The following DLG2 variants were observed in gnomAD, a reference collection of about 807,000 sequenced individuals.
DLG2 encodes discs large MAGUK scaffold protein 2.
In DLG2, 45 loss-of-function variants were observed where a neutral mutation model predicts 132.5. That is an observed-to-expected ratio of 0.34 (90% confidence interval 0.27 to 0.44). The LOEUF (loss-of-function observed/expected upper bound fraction) is 0.44. Ranked by LOEUF, DLG2 falls within the 20% of genes least tolerant of loss-of-function variation. The probability of loss-of-function intolerance (pLI) is 1.00; values close to 1 mark genes in which losing one functional copy is unlikely to be tolerated. For synonymous variants in DLG2, 424 were observed against 419.6 expected (o/e 1.01, Z -0.13); for missense variants, 1,045 against 1,196.9 (o/e 0.87, Z 1.87).
chr11:83,825,122 CAT>C lies in DLG2; in HGVS notation c.1722+8490_1722+8491del, dbSNP rs1243682505. On this transcript the variant is annotated intron_variant, in intron 17 of 27. Coordinates refer to ENST00000376104, the MANE Select transcript of DLG2 (RefSeq NM_001142699.3). ...ACATATATATAGACATATATATACA[CAT>C]ATATATATACACACACACACACACA... is the stretch of plus-strand genomic sequence containing the variant. Among the ~76,000 whole-genome samples, 758 of 117,866 alleles carry C rather than the reference CAT, an allele frequency of 6.4e-3. 13 individuals carry two copies. Among genetic ancestry groups the C allele is most frequent in the African/African-American group, 0.019 (592 of 31,142 alleles). The allele number at this position is 117,866 out of a possible 152,430, so 77.3% of individuals were successfully genotyped here.
At chr11:84,349,632 C>T (rs7124855) in intron 7 of DLG2, among the ~76,000 whole-genome samples, 7,654 of 152,232 alleles carry the variant, frequency 0.05, 637 homozygotes, top group African/African-American at 0.17. Context: ...ACTATAAATA[C>T]AGGCATCCTT....
chr11:85,404,950 G>C (rs909002824), intron 3 of DLG2, among the ~76,000 whole-genome samples: 4 of 152,006 alleles, frequency 2.6e-5, no homozygotes, highest in African/African-American at 9.7e-5. Context: ...TCCTTGGACA[G>C]TCAGGAGGTT....
intron 6 of DLG2, among the ~76,000 whole-genome samples, chr11:84,701,125 T>G (rs1044497305): frequency 6.6e-6 from 1 of 151,656 alleles, no homozygotes; most frequent in African/African-American, 2.4e-5. Flanking sequence ...CCAATCACAG[T>G]TGACTTAGAC....
intron 6 of DLG2, among the ~76,000 whole-genome samples, chr11:85,023,765 A>T (rs1468890400): frequency 6.6e-6 from 1 of 152,124 alleles, no homozygotes; most frequent in Non-Finnish European, 1.5e-5. Flanking sequence ...AGATATATTT[A>T]AAAATACTAG....
intron 4 of DLG2, among the ~76,000 whole-genome samples, chr11:85,273,874 G>C (rs541209028): frequency 1.3e-5 from 2 of 152,302 alleles, no homozygotes; most frequent in East Asian, 3.9e-4. Flanking sequence ...ATCAATGATA[G>C]ATAGGATTAA....
intron 2 of DLG2, among the ~76,000 whole-genome samples, chr11:85,618,094 C>A: frequency 6.6e-6 from 1 of 151,982 alleles, no homozygotes; most frequent in Non-Finnish European, 1.5e-5. Flanking sequence ...TGAACCCATG[C>A]GGAAAGCTTA....
At chr11:84,704,242 T>A (rs962342802) in intron 6 of DLG2, among the ~76,000 whole-genome samples, 6 of 151,440 alleles carry the variant, frequency 4.0e-5, no homozygotes, top group Non-Finnish European at 3.0e-5. Context: ...TCTATGACAC[T>A]CTATGTTCAC....
intron 15 of DLG2, among the ~76,000 whole-genome samples, chr11:83,923,853 CT>C (rs2078423728): frequency 6.6e-6 from 1 of 152,068 alleles, no homozygotes; most frequent in Non-Finnish European, 1.5e-5. Context: ...TGCAAAGCAG[CT>C]TGTGTCTTTG....
intron 6 of DLG2, among the ~76,000 whole-genome samples, chr11:84,960,637 C>T (rs896361242): frequency 6.6e-6 from 1 of 151,992 alleles, no homozygotes; most frequent in African/African-American, 2.4e-5. Flanking sequence ...TGGGGTATCA[C>T]CGTATTGCCC....
intron 7 of DLG2, among the ~76,000 whole-genome samples, chr11:84,295,634 C>T (rs1475477559): frequency 6.6e-6 from 1 of 152,180 alleles, no homozygotes; most frequent in Non-Finnish European, 1.5e-5. Context: ...CACTAAGATT[C>T]TGCGAGTTCA....
intron 15 of DLG2, among the ~76,000 whole-genome samples, chr11:83,912,992 C>G (rs2154113401): frequency 6.6e-6 from 1 of 152,192 alleles, no homozygotes; most frequent in East Asian, 1.9e-4. Context: ...AGGTTTCTAT[C>G]TCTATTTTAA....
At chr11:83,734,384 CTT>C (rs1191577388) in intron 18 of DLG2, among the ~76,000 whole-genome samples, 2 of 145,230 alleles carry the variant, frequency 1.4e-5, no homozygotes, top group African/African-American at 5.1e-5. Context: ...TCCTTCCTTC[CTT>C]CCTTCCTTCC....
At chr11:85,136,313 G>A (rs1313881752) in intron 5 of DLG2, among the ~76,000 whole-genome samples, 1 of 152,156 alleles carries the variant, frequency 6.6e-6, no homozygotes, top group African/African-American at 2.4e-5. Context: ...TTAGATATAA[G>A]TACATAACAT....
chr11:83,872,196 G>C (rs575837450), intron 16 of DLG2, among the ~76,000 whole-genome samples: 1 of 152,302 alleles, frequency 6.6e-6, no homozygotes, highest in African/African-American at 2.4e-5. Flanking sequence ...CCAGAAGGTG[G>C]AGGTTGCAGT....
intron 18 of DLG2, among the ~76,000 whole-genome samples, chr11:83,668,560 T>C (rs1285870861): frequency 6.6e-6 from 1 of 151,908 alleles, no homozygotes; most frequent in African/African-American, 2.4e-5. Context: ...AGTAATATAA[T>C]TGTACTCATA....
intron 7 of DLG2, among the ~76,000 whole-genome samples, chr11:84,310,760 G>GTTAAAACAAGCTGTCAGATCAT (rs1253058119): frequency 6.6e-6 from 1 of 152,222 alleles, no homozygotes; most frequent in Non-Finnish European, 1.5e-5. Flanking sequence ...CAGGTGCTGA[G>GTTAAAACAAGCTGTCAGATCAT]TTAAAACAAG....
chr11:84,490,201 G>A (rs2099161206), intron 7 of DLG2, among the ~76,000 whole-genome samples: 1 of 152,102 alleles, frequency 6.6e-6, no homozygotes, highest in Admixed American at 6.6e-5. Flanking sequence ...AATAATAGCA[G>A]CTATCTTACA....
intron 6 of DLG2, among the ~76,000 whole-genome samples, chr11:85,063,294 G>C (rs1472862840): frequency 6.6e-6 from 1 of 151,846 alleles, no homozygotes; most frequent in East Asian, 1.9e-4. Context: ...ACAAATCTCA[G>C]AGTTTTGAGT....
intron 7 of DLG2, among the ~76,000 whole-genome samples, chr11:84,514,332 C>T (rs928278344): frequency 1.3e-5 from 2 of 152,024 alleles, no homozygotes; most frequent in Non-Finnish European, 2.9e-5. Flanking sequence ...CTAGCAATCC[C>T]ACTCCTGGGT....
Sources: allele counts gnomAD v4.1 joint callset (sites outside exome capture counted in the v4.1 genomes callset), GRCh38; gene constraint gnomAD v4.1.1; transcripts MANE v1.5; gene names NCBI Gene and HGNC (gene_info 2026-07-23, HGNC 2026-07-21).